Variants in SVIL observed in about 807,000 individuals in gnomAD.
The protein encoded by SVIL is supervillin, also known as archvillin.
Under a neutral mutation model 240.4 loss-of-function variants are expected in SVIL, and 101 were observed. That is an observed-to-expected ratio of 0.42 (90% CI 0.36 to 0.50). SVIL has a LOEUF of 0.50. Among genes scored for constraint, SVIL ranks in the 20% least tolerant of loss-of-function variants. The pLI is 0.01. For synonymous variants in SVIL, 999 were observed against 1,100.0 expected (o/e 0.91, Z 1.82); for missense variants, 2,512 against 2,818.7 (o/e 0.89, Z 2.46).
intron 1 of SVIL, among the ~76,000 whole-genome samples, chr10:29,706,014 T>C (rs1962866512): frequency 6.6e-6 from 1 of 152,160 alleles, no homozygotes; most frequent in Non-Finnish European, 1.5e-5. Context: ...CTGAGCTACT[T>C]TTAATAAATC....
intron 17 of SVIL, among the ~76,000 whole-genome samples, chr10:29,502,568 C>G (rs1296733578): frequency 6.6e-6 from 1 of 152,144 alleles, no homozygotes; most frequent in Non-Finnish European, 1.5e-5. Context: ...AATCCTACCC[C>G]ATCTGTCCTT....
At chr10:29,587,623 G>A (rs1192049317) in intron 1 of SVIL, among the ~76,000 whole-genome samples, 1 of 152,186 alleles carries the variant, frequency 6.6e-6, no homozygotes, top group Non-Finnish European at 1.5e-5. Context: ...GCAGTGGCCT[G>A]GAGCTTGCTC....
At chr10:29,696,811 G>T (rs11007701) in intron 1 of SVIL, among the ~76,000 whole-genome samples, 39,123 of 150,222 alleles carry the variant, frequency 0.26, 5,514 homozygotes, top group East Asian at 0.4. Flanking sequence ...ACCCCGTCCG[G>T]GAGGGAGGTG....
intron 2 of SVIL, among the ~76,000 whole-genome samples, chr10:29,679,127 C>A (rs535342057): frequency 6.6e-6 from 1 of 152,180 alleles, no homozygotes; most frequent in Non-Finnish European, 1.5e-5. Context: ...ATCACTTGAA[C>A]CTGAAAGGCA....
chr10:29,660,964 C>G (rs921892629), intron 2 of SVIL, among the ~76,000 whole-genome samples: 2 of 152,008 alleles, frequency 1.3e-5, no homozygotes, highest in African/African-American at 4.8e-5. Context: ...GTCAAGAGAT[C>G]AAGACCATCC....
intron 29 of SVIL, among the ~76,000 whole-genome samples, chr10:29,478,552 C>T (rs1564479138): frequency 6.6e-6 from 1 of 152,066 alleles, no homozygotes; most frequent in Non-Finnish European, 1.5e-5. Flanking sequence ...ATTCTGAATC[C>T]CAGGCTGTAG....
intron 30 of SVIL, among the ~76,000 whole-genome samples, chr10:29,472,856 G>A (rs1371988513): frequency 6.6e-6 from 1 of 152,162 alleles, no homozygotes; most frequent in Non-Finnish European, 1.5e-5. Flanking sequence ...TAGGTGGTGG[G>A]AAGTGCTGTG....
In SVIL at chr10:29,495,143, G is replaced by C. The variant is rs2368406; in HGVS notation, c.3703C>G (p.Pro1235Ala). Residue 1235 changes from proline to alanine, a missense_variant, in exon 19 of 38, where the codon CCC becomes GCC. Physicochemically the swap from Pro to Ala is conservative, Grantham distance 27 (BLOSUM62 -1). Around this residue, in one of 3 missense-constraint regions of SVIL, gnomAD observed 272 missense variants for 406.8 expected, o/e 0.67. Transcript: ENST00000355867. ...GTGCCTCTTGTTTTACCGCAAATGG[G>C]TGAGGCTACTGGGGTTATGGCAGTA... ...SPTAITPVAS[P>A]ICGKTRGTTP... The C allele has an allele frequency of 0.78, 1,131,355 of 1,458,006 alleles. 431,458 individuals carry two copies. The highest frequency in any genetic ancestry group is 0.83 in the African/African-American group (50,687 of 60,926). 90.3% of individuals were successfully genotyped at this position (1,458,006 alleles called of 1,614,324 possible).
rs920460325 is a variant in SVIL, at chr10:29,613,098, C to A, written c.-201+21322G>T. On this transcript the variant is annotated intron_variant, in intron 1 of 37. Coordinates refer to ENST00000355867, the MANE Select transcript of SVIL (RefSeq NM_021738.3). ...AGGCTGAGAAGGGGAATTGCTTGAA[C>A]CCAGGAGGCAGAAGTTGCAGTGAGC... Among the ~76,000 whole-genome samples the A allele has an allele frequency of 2.6e-5, 4 of 151,408 alleles. No homozygotes were observed. In the East Asian group the frequency reaches 7.8e-4, roughly 29 times the overall value.
chr10:29,483,677 G>C (rs1339183496), intron 27 of SVIL: 1 of 152,176 alleles, frequency 6.6e-6, no homozygotes, highest in African/African-American at 2.4e-5. Flanking sequence ...AATCTTCTGA[G>C]CTGTAGTTCC....
In SVIL at chr10:29,523,633, G is replaced by A. The variant is rs1950704290; in HGVS notation, c.2981C>T (p.Ala994Val). Residue 994 changes from alanine (A) to valine (V), a missense_variant, in exon 15 of 38, where the codon GCT becomes GTT. Around this residue, in one of 3 missense-constraint regions of SVIL, gnomAD observed 1,443 missense variants for 1,486.6 expected, o/e 0.97. Coordinates refer to ENST00000355867, the MANE Select transcript of SVIL (RefSeq NM_021738.3). ...TTCCAGGCTTCCTCTTCTGGGAACA[G>A]CATATTTAGATTCCTTATGGCTGTC... Reference protein sequence around the residue: ...EGDSHKESKYAVPRRGSLERA... With the variant: ...EGDSHKESKYVVPRRGSLERA... The A allele has an allele frequency of 2.5e-6, 4 of 1,614,168 alleles. No individual in the cohort carries two copies. The highest frequency in any genetic ancestry group is 3.4e-6 in the Non-Finnish European group (4 of 1,180,016).
chr10:29,629,958 T>A (rs1004658548), intron 1 of SVIL, among the ~76,000 whole-genome samples: 4 of 135,968 alleles, frequency 2.9e-5, no homozygotes, highest in Admixed American at 8.0e-5. Flanking sequence ...CCAACCTGGG[T>A]GACCAGGCAA....
intron 1 of SVIL, among the ~76,000 whole-genome samples, chr10:29,631,897 A>G (rs1048749184): frequency 1.3e-5 from 2 of 152,210 alleles, no homozygotes; most frequent in East Asian, 3.9e-4. Context: ...TCACAAATCA[A>G]TGAAGCCCAG....
intron 3 of SVIL, among the ~76,000 whole-genome samples, chr10:29,555,386 C>A (rs1368011039): frequency 1.3e-5 from 2 of 151,810 alleles, no homozygotes; most frequent in Non-Finnish European, 2.9e-5. Flanking sequence ...TAAGGTCAAG[C>A]TGAATATTTG....
At chr10:29,479,987 A>G (rs998635848) in intron 29 of SVIL, among the ~76,000 whole-genome samples, 1 of 152,192 alleles carries the variant, frequency 6.6e-6, no homozygotes, top group Non-Finnish European at 1.5e-5. Flanking sequence ...CGTCACCATC[A>G]GGAACCGAGG....
At chr10:29,733,587 G>C (rs1304656232) in intron 1 of SVIL, among the ~76,000 whole-genome samples, 1 of 152,202 alleles carries the variant, frequency 6.6e-6, no homozygotes, top group Non-Finnish European at 1.5e-5. Context: ...CTACATGTGT[G>C]AGGCACGGCA....
chr10:29,482,364 C>T (rs572743412), intron 27 of SVIL, among the ~76,000 whole-genome samples: 8 of 152,132 alleles, frequency 5.3e-5, no homozygotes, highest in East Asian at 1.9e-4. Context: ...TGGGGTGGCA[C>T]GCTGGGTGGG....
Position 29,487,363 on chromosome 10 carries a change from C to T in SVIL, c.4349-64G>A, listed in dbSNP as rs372964266. Reference sequence around the variant, plus strand: ...AACGGGGATAGGACGCACCCCATATCGGAAGCATCCCTGCTGCGGACGCTT... The same window carrying T: ...AACGGGGATAGGACGCACCCCATATTGGAAGCATCCCTGCTGCGGACGCTT... On this transcript the variant is annotated intron_variant, in intron 23 of 37. Coordinates refer to ENST00000355867, the MANE Select transcript of SVIL (RefSeq NM_021738.3). The T allele has an allele frequency of 5.1e-5, 81 of 1,576,764 alleles. No individual in the cohort carries two copies. In the African/African-American group the frequency reaches 8.1e-4, roughly 16 times the overall value.
Position 29,463,615 on chromosome 10 carries a change from G to A in SVIL, c.6154C>T (p.His2052Tyr), listed in dbSNP as rs1397029750. ...PQPALFLVDN[H>Y]HEVYLWQGWW... ...CCTTGCCAGAGGTACACCTCGTGGTGATTGTCAACAAGGAAAAGTGCTGTG... is the reference window on the plus strand; with the variant it reads ...CCTTGCCAGAGGTACACCTCGTGGTAATTGTCAACAAGGAAAAGTGCTGTG... The change falls in exon 35 of 38, where the codon CAC becomes TAC. Residue 2052 changes from histidine to tyrosine, a missense_variant. Around this residue, in one of 3 missense-constraint regions of SVIL, gnomAD observed 797 missense variants for 925.3 expected, o/e 0.86. Transcript: ENST00000355867. 1.2e-6 allele frequency: 2 copies of A among 1,614,096 alleles called. No homozygotes were observed. Among genetic ancestry groups the A allele is most frequent in the Non-Finnish European group, 1.7e-6 (2 of 1,180,010 alleles).
Sources: gnomAD v4.1 joint callset for allele counts (sites outside exome capture counted in the v4.1 genomes callset) on GRCh38, gnomAD v4.1.1 for gene constraint, gnomAD v4.1.1 regional missense constraint, MANE v1.5 for transcripts, NCBI Gene and HGNC (gene_info 2026-07-23, HGNC 2026-07-21) for gene names.